Variants in PLEKHM2 observed in about 807,000 individuals in gnomAD.
PLEKHM2 encodes pleckstrin homology domain-containing family M member 2.
PLEKHM2 carries 77 observed loss-of-function variants against 116.3 expected under a neutral mutation model. The observed-to-expected ratio is 0.66, with a 90% CI of 0.55 to 0.80. The LOEUF (loss-of-function observed/expected upper bound fraction) is 0.80. PLEKHM2 is among the 30% of genes least tolerant of loss of function. The probability of loss-of-function intolerance (pLI) is 0.00; values close to 1 mark genes in which losing one functional copy is unlikely to be tolerated. For synonymous variants in PLEKHM2, 562 were observed against 571.0 expected (o/e 0.98, Z 0.22); for missense variants, 1,183 against 1,354.9 (o/e 0.87, Z 1.99).
intron 1 of PLEKHM2, 78 bp downstream of exon 1, chr1:15,684,696 CG>C: frequency 1.3e-5 from 6 of 474,002 alleles, no homozygotes; most frequent in African/African-American, 1.1e-4. Context: ...TCTCCCGGGC[CG>C]GGGCCCCCCG....
In PLEKHM2 at chr1:15,727,389, C is replaced by G; in HGVS notation, c.1317C>G (p.Thr439=). The G allele has an allele frequency of 6.2e-7, 1 of 1,602,602 alleles. No individual in the cohort carries two copies. The highest frequency in any genetic ancestry group is 8.5e-7 in the Non-Finnish European group (1 of 1,175,334). Residue 439 remains threonine, a synonymous_variant, in exon 9 of 20, where the codon ACC becomes ACG. Transcript: ENST00000375799. The surrounding 1 kb of genome is among the most constrained non-coding windows in gnomAD (Gnocchi z 7.5). ...RAEPPDQSFR[T]GSPGDAPERP... ...AGCCCCCAGACCAGTCCTTTCGGACCGGCTCTCCCGGGGATGCCCCGGAGA... is the reference window on the plus strand; with the variant it reads ...AGCCCCCAGACCAGTCCTTTCGGACGGGCTCTCCCGGGGATGCCCCGGAGA...
At chr1:15,731,041 A>C (rs1571073581) in intron 15 of PLEKHM2, 151 bp from the exon 16 acceptor site, 2 of 668,266 alleles carry the variant, frequency 3.0e-6, no homozygotes, top group African/African-American at 1.8e-5. Flanking sequence ...GCCCTTCTTC[A>C]CCCTGCCTTC....
chr1:15,703,805 C>T (rs1471028928), intron 1 of PLEKHM2, among the ~76,000 whole-genome samples: 4 of 152,156 alleles, frequency 2.6e-5, no homozygotes. Context: ...AGTCTTGTGA[C>T]GCCCAGCCTT....
intron 1 of PLEKHM2, among the ~76,000 whole-genome samples, chr1:15,698,545 C>T (rs57270877): frequency 0.044 from 5,020 of 114,572 alleles, 376 homozygotes; most frequent in African/African-American, 0.2. Flanking sequence ...TTCTTTCTTT[C>T]TTTCTTTTTT....
Position 15,718,523 on chromosome 1 carries a change from T to A in PLEKHM2, c.378-15T>A. On this transcript the variant is annotated splice_polypyrimidine_tract_variant and intron_variant, in intron 4 of 19. Coordinates refer to ENST00000375799, the MANE Select transcript of PLEKHM2 (RefSeq NM_015164.4). ...CAGACCCAGAGGCACCATCGTGGCT[T>A]CTCATGTCTTGCAGGAATGCCCTGG... The A allele has an allele frequency of 6.6e-7, 1 of 1,521,586 alleles. No individual in the cohort carries two copies. The highest frequency in any genetic ancestry group is 9.0e-7 in the Non-Finnish European group (1 of 1,115,348). The allele number at this position is 1,521,586 out of a possible 1,614,324, so 94.3% of individuals were successfully genotyped here. A position where few individuals can be genotyped will look rare whatever the true frequency, so the allele number is the denominator to read the frequency against.
intron 1 of PLEKHM2, among the ~76,000 whole-genome samples, chr1:15,707,602 T>C (rs1157234100): frequency 1.3e-5 from 2 of 152,174 alleles, no homozygotes; most frequent in African/African-American, 4.8e-5. Context: ...AAAATCCACA[T>C]GAACAGAAAG....
chr1:15,716,225 T>G lies in PLEKHM2; in HGVS notation c.61-12T>G. 6.7e-7 allele frequency: 1 copy of G among 1,490,902 alleles called. No individual in the cohort carries two copies. Among genetic ancestry groups the G allele is most frequent in the Non-Finnish European group, 9.1e-7 (1 of 1,096,180 alleles). The allele number at this position is 1,490,902 out of a possible 1,614,324, so 92.4% of individuals were successfully genotyped here. The stretch of plus-strand genomic sequence containing the variant: ...TCCATTTCTGATTTGGAGGTGTTTT[T>G]TTTTCTTTCAGTTGCAGAGCTATTT... On this transcript the variant is annotated splice_polypyrimidine_tract_variant and intron_variant, in intron 1 of 19. Transcript: ENST00000375799.
Position 15,690,819 on chromosome 1 carries a change from ATATGAACAGGCAGATGAG to A in PLEKHM2, c.60+6205_60+6222del, listed in dbSNP as rs1445778158. ...ACCATCATAGGCCCTAGGAAGGTTC[ATATGAACAGGCAGATGAG>A]TATCTGCCCTCATGGAGCTGACATT... On this transcript the variant is annotated intron_variant, in intron 1 of 19. Transcript: ENST00000375799. 2.6e-5 allele frequency among the ~76,000 whole-genome samples: 4 copies of A among 152,360 alleles called. No homozygotes were observed. In the East Asian group the frequency reaches 7.7e-4, roughly 29 times the overall value.
At chr1:15,691,866 T>G (rs191105109) in intron 1 of PLEKHM2, among the ~76,000 whole-genome samples, 15 of 152,168 alleles carry the variant, frequency 9.9e-5, no homozygotes, top group African/African-American at 3.6e-4. Flanking sequence ...CCCAGCACTT[T>G]GCGGGGCTGA....
Position 15,732,462 on chromosome 1 carries a change from T to C in PLEKHM2, c.2738T>C (p.Leu913Ser). 1 of 1,602,898 alleles carries C rather than the reference T, an allele frequency of 6.2e-7. No homozygotes were observed. The highest frequency in any genetic ancestry group is 8.5e-7 in the Non-Finnish European group (1 of 1,175,144). The change falls in exon 18 of 20, where the codon TTG becomes TCG. Residue 913 changes from leucine to serine, a missense_variant. By Grantham distance (145) the Leu-to-Ser change is moderately radical. This residue lies in a region of PLEKHM2 where 594 missense variants were observed against 720.1 expected (regional missense o/e 0.82). Coordinates refer to ENST00000375799, the MANE Select transcript of PLEKHM2 (RefSeq NM_015164.4). ...EDCQTSFFRSLGTAKLGDISA... is the reference protein window; with the variant it reads ...EDCQTSFFRSSGTAKLGDISA... ...TGCCAGACCAGCTTCTTCCGCTCTT[T>C]GGGCACAGCCAAGCTGGGCGACATC... is the stretch of plus-strand genomic sequence containing the variant.
chr1:15,717,546 C>G (rs1434403180), intron 3 of PLEKHM2, among the ~76,000 whole-genome samples: 2 of 152,246 alleles, frequency 1.3e-5, no homozygotes, highest in African/African-American at 2.4e-5. Context: ...CCAGCGAGAG[C>G]TGGACTCTTA....
At chr1:15,699,180 A>T (rs913798559) in intron 1 of PLEKHM2, among the ~76,000 whole-genome samples, 3 of 151,718 alleles carry the variant, frequency 2.0e-5, no homozygotes, top group Admixed American at 2.0e-4. Context: ...TATTGTTATT[A>T]TTATTTTATA....
intron 1 of PLEKHM2, among the ~76,000 whole-genome samples, chr1:15,710,790 C>A (rs1442131236): frequency 1.3e-5 from 2 of 152,238 alleles, no homozygotes; most frequent in Admixed American, 1.3e-4. Context: ...CATCACAGAT[C>A]AGCCAGGCAT....
At chr1:15,703,808 C>T (rs1334800603) in intron 1 of PLEKHM2, among the ~76,000 whole-genome samples, 7 of 152,172 alleles carry the variant, frequency 4.6e-5, no homozygotes, top group African/African-American at 1.7e-4. Context: ...CTTGTGACGC[C>T]CAGCCTTCCC....
chr1:15,710,480 G>A (rs1356196092), intron 1 of PLEKHM2, among the ~76,000 whole-genome samples: 1 of 151,436 alleles, frequency 6.6e-6, no homozygotes, highest in Non-Finnish European at 1.5e-5. Flanking sequence ...GGCATGGTGG[G>A]GCCCGGCTAA....
intron 1 of PLEKHM2, among the ~76,000 whole-genome samples, chr1:15,698,536 TCTTTCTTTCTTTC>T (rs1464267604): frequency 6.9e-6 from 1 of 144,634 alleles, no homozygotes; most frequent in African/African-American, 2.7e-5. Context: ...TCTTTTTCTT[TCTTTCTTTCTTTC>T]TTTTTTTTTT....
intron 1 of PLEKHM2, among the ~76,000 whole-genome samples, chr1:15,699,883 G>A (rs1641075221): frequency 6.6e-6 from 1 of 152,118 alleles, no homozygotes; most frequent in East Asian, 1.9e-4. Flanking sequence ...GGAAGGCTGA[G>A]GTGGAAGGAT....
In PLEKHM2 at chr1:15,729,441, A is replaced by G. The variant is rs1475501787; in HGVS notation, c.2075+251A>G. Among the ~76,000 whole-genome samples, 1 of 152,164 alleles carries G rather than the reference A, an allele frequency of 6.6e-6. No homozygotes were observed. Among genetic ancestry groups the G allele is most frequent in the African/African-American group, 2.4e-5 (1 of 41,434 alleles). ...GGGGTGCTAGCATGAGTTGTTGGAC[A>G]GGAAGGCAGGCAGAGAGCCATGCTG... On this transcript the variant is annotated intron_variant, in intron 13 of 19. Transcript: ENST00000375799. This position sits in a 1 kb window ranked among gnomAD's most constrained non-coding sequence, Gnocchi z 4.7.
intron 1 of PLEKHM2, among the ~76,000 whole-genome samples, chr1:15,708,000 T>C (rs980185008): frequency 6.6e-6 from 1 of 152,118 alleles, no homozygotes; most frequent in Non-Finnish European, 1.5e-5. Flanking sequence ...TTCTCCTGCC[T>C]CAGCCTCCCG....
Sources: allele counts gnomAD v4.1 joint callset (sites outside exome capture counted in the v4.1 genomes callset), GRCh38; gene constraint gnomAD v4.1.1; regional missense constraint gnomAD v4.1.1; non-coding constraint Gnocchi (gnomAD v3.1); transcripts MANE v1.5; gene names NCBI Gene and HGNC (gene_info 2026-07-23, HGNC 2026-07-21).